RRM2: variants seen among roughly 807,000 people sequenced by gnomAD.
The protein encoded by RRM2 is ribonucleotide reductase regulatory subunit M2, also known as ribonucleoside-diphosphate reductase subunit M2.
A neutral mutation model predicts 45.9 loss-of-function variants in RRM2; 6 were observed. The ratio of observed to expected loss-of-function variants is 0.13; its 90% CI spans 0.07 to 0.26. The LOEUF is 0.26. RRM2 is among the 10% of genes least tolerant of loss of function. The pLI, the probability that RRM2 is intolerant of heterozygous loss-of-function variation, is 1.00. For synonymous variants in RRM2, 177 were observed against 173.0 expected (o/e 1.02, Z -0.18); for missense variants, 343 against 489.5 (o/e 0.70, Z 2.82).
chr2:10,136,624 T>C (rs1033438029), upstream of RRM2, among the ~76,000 whole-genome samples: 1 of 152,138 alleles, frequency 6.6e-6, no homozygotes, highest in Non-Finnish European at 1.5e-5. Flanking sequence ...TTTTTAAAAA[T>C]TAGCCATGTG....
upstream of RRM2, among the ~76,000 whole-genome samples, chr2:10,136,537 G>A (rs749132854): frequency 1.4e-4 from 22 of 152,186 alleles, no homozygotes; most frequent in African/African-American, 5.3e-4. Flanking sequence ...GGAGGCCAAG[G>A]GGGGAATCCC....
chr2:10,200,485 CA>C lies in RRM2; in HGVS notation n.483-9825del, dbSNP rs1664534106. On this transcript the variant is annotated intron_variant and non_coding_transcript_variant, in intron 3 of 3. Coordinates refer to the RRM2 transcript ENST00000381786. ...CCGCGCGCGCAAAATATGAGGCCCA[CA>C]GGCACCGCGCACACAAAATATGAGG... Among the ~76,000 whole-genome samples the C allele has an allele frequency of 1.8e-4, 10 of 55,894 alleles. 1 individual carries two copies. The highest frequency in any genetic ancestry group is 5.7e-4 in the African/African-American group (9 of 15,886). 36.7% of individuals were successfully genotyped at this position (55,894 alleles called of 152,430 possible). A position where few individuals can be genotyped will look rare whatever the true frequency, so the allele number is the denominator to read the frequency against.
At chr2:10,206,927 A>T (rs376102101) in intron 3 of RRM2, among the ~76,000 whole-genome samples, 1 of 152,240 alleles carries the variant, frequency 6.6e-6, no homozygotes, top group Non-Finnish European at 1.5e-5. Flanking sequence ...CCATTTTCGG[A>T]TACACAAAAG....
intron 3 of RRM2, among the ~76,000 whole-genome samples, chr2:10,166,948 G>A (rs12616594): frequency 0.33 from 49,795 of 152,180 alleles, 9,533 homozygotes; most frequent in African/African-American, 0.53. Flanking sequence ...GTGTCTGTAC[G>A]TGCCACTTAT....
intron 3 of RRM2, among the ~76,000 whole-genome samples, chr2:10,153,352 G>T (rs1293811669): frequency 2.6e-5 from 4 of 152,076 alleles, no homozygotes. Context: ...GATCTTTTTT[G>T]ACTCTGCGAT....
At chr2:10,154,586 G>C (rs1309023892) in intron 3 of RRM2, among the ~76,000 whole-genome samples, 1 of 152,060 alleles carries the variant, frequency 6.6e-6, no homozygotes, top group Non-Finnish European at 1.5e-5. Context: ...GATCTTGAGG[G>C]GGAAAGGGAG....
chr2:10,142,448 C>A, intron 3 of RRM2: 2 of 1,335,190 alleles, frequency 1.5e-6, no homozygotes, highest in Non-Finnish European at 2.0e-6. Flanking sequence ...GGCCTGTCAT[C>A]TGCTGTTTCC....
At chr2:10,141,865 C>T in exon 2 of RRM2, 2 of 1,561,166 alleles carry the variant, frequency 1.3e-6, no homozygotes, top group Middle Eastern at 1.7e-4. Flanking sequence ...TGCTGGGAGA[C>T]CGTGAAGTGC....
At chr2:10,168,370 A>C (rs780524906) in intron 3 of RRM2, among the ~76,000 whole-genome samples, 1 of 152,010 alleles carries the variant, frequency 6.6e-6, no homozygotes, top group Non-Finnish European at 1.5e-5. Flanking sequence ...CTCCATCTTC[A>C]TCCTGGCAGG....
At chr2:10,135,146 C>A (rs900206290), downstream of RRM2, among the ~76,000 whole-genome samples, 3 of 152,110 alleles carry the variant, frequency 2.0e-5, no homozygotes, top group Non-Finnish European at 4.4e-5. Flanking sequence ...TAATTCCTAG[C>A]GAATTGAGCC....
chr2:10,126,551 C>T (rs1347713877), intron 5 of RRM2: 1 of 265,190 alleles, frequency 3.8e-6, no homozygotes, highest in Non-Finnish European at 7.0e-6. Flanking sequence ...GAACAATGAT[C>T]TGGACTTGAA....
chr2:10,210,443 G>A (rs1232209336), exon 4 of RRM2: 3 of 1,367,742 alleles, frequency 2.2e-6, no homozygotes, highest in African/African-American at 3.0e-5. Flanking sequence ...CCCCTGGAGC[G>A]ACCCTGTTTC....
rs1572534126 is a variant in RRM2, at chr2:10,199,800, A to AAAAAAAAAAAAAAAAAAAAAAAAC, written n.483-10502_483-10501insAAAAAAAAAAAAAACAAAAAAAAA. ...GTCTCAAAAAAAAAAAAAAAAAAAA[A>AAAAAAAAAAAAAAAAAAAAAAAAC]AAAAAAAAACAAATCATGGTATGAC... On this transcript the variant is annotated intron_variant and non_coding_transcript_variant, in intron 3 of 3. Transcript: ENST00000381786. Among the ~76,000 whole-genome samples the AAAAAAAAAAAAAAAAAAAAAAAAC allele has an allele frequency of 5.6e-4, 55 of 97,890 alleles. 13 individuals carry two copies. Among genetic ancestry groups the AAAAAAAAAAAAAAAAAAAAAAAAC allele is most frequent in the African/African-American group, 2.1e-3 (51 of 24,818 alleles). 64.2% of individuals were successfully genotyped at this position (97,890 alleles called of 152,430 possible).
intron 3 of RRM2, among the ~76,000 whole-genome samples, chr2:10,174,065 C>T (rs958805727): frequency 3.3e-5 from 5 of 152,144 alleles, no homozygotes; most frequent in Non-Finnish European, 7.4e-5. Context: ...TAAATGAGGT[C>T]GTATGGGCGG....
At chr2:10,141,568 TGGA>T (rs564703137) in exon 1 of RRM2, 86 of 431,310 alleles carry the variant, frequency 2.0e-4, no homozygotes, top group African/African-American at 1.6e-3. Flanking sequence ...TGTGCTGGAA[TGGA>T]GGAGGCCTGG....
chr2:10,122,843 G>A lies in RRM2; in HGVS notation c.45G>A (p.Gln15=). Residue 15 remains glutamine (Q), a synonymous_variant, in exon 1 of 10, where the codon CAG becomes CAA. Coordinates refer to ENST00000304567, the MANE Select transcript of RRM2 (RefSeq NM_001034.4). ...CGCTCGCGCCCATCACGGACCCGCA[G>A]CAGCTGCAGCTCTCGCCGCTGAAGG... The part of the protein sequence containing the change: ...RVPLAPITDP[Q]QLQLSPLKGL... The A allele has an allele frequency of 6.2e-7, 1 of 1,601,870 alleles. No homozygotes were observed. Among genetic ancestry groups the A allele is most frequent in the Non-Finnish European group, 8.5e-7 (1 of 1,175,854 alleles).
chr2:10,142,476 C>T, intron 3 of RRM2: 1 of 1,149,920 alleles, frequency 8.7e-7, no homozygotes, highest in African/African-American at 1.6e-5. Context: ...GTGTACAGGG[C>T]CCCCACGCAC....
intron 3 of RRM2, among the ~76,000 whole-genome samples, chr2:10,183,287 T>C (rs1463291941): frequency 6.6e-6 from 1 of 152,250 alleles, no homozygotes; most frequent in African/African-American, 2.4e-5. Context: ...AAGGATTTTA[T>C]GTCCCTCAGG....
At chr2:10,186,993 G>A in intron 3 of RRM2, among the ~76,000 whole-genome samples, 1 of 152,244 alleles carries the variant, frequency 6.6e-6, no homozygotes, top group East Asian at 1.9e-4. Flanking sequence ...CCGAAGGGGG[G>A]CTCAGAGGAG....
Sources: gnomAD v4.1 joint callset for allele counts (sites outside exome capture counted in the v4.1 genomes callset) on GRCh38, gnomAD v4.1.1 for gene constraint, MANE v1.5 for transcripts, NCBI Gene and HGNC (gene_info 2026-07-23, HGNC 2026-07-21) for gene names.